Variants in PDE6B observed in about 807,000 individuals in gnomAD.
The protein encoded by PDE6B is rod cGMP-specific 3',5'-cyclic phosphodiesterase subunit beta.
PDE6B carries 106 observed loss-of-function variants against 109.0 expected under a neutral mutation model. That is an observed-to-expected ratio of 0.97 (90% CI 0.83 to 1.14). The LOEUF (loss-of-function observed/expected upper bound fraction) is 1.14, where lower values mean the gene tolerates loss of function less well. Ranked by LOEUF, PDE6B falls within the 50% of genes most tolerant of loss-of-function variation. The pLI is 0.00. For synonymous variants in PDE6B, 490 were observed against 471.3 expected (o/e 1.04, Z -0.51); for missense variants, 1,193 against 1,155.6 (o/e 1.03, Z -0.47).
At chr4:642,003 C>G (rs549159135) in intron 3 of PDE6B, among the ~76,000 whole-genome samples, 10 of 152,326 alleles carry the variant, frequency 6.6e-5, no homozygotes, top group South Asian at 2.1e-4. Flanking sequence ...CATCTGCAAA[C>G]AAAGATAGTT....
At chr4:643,339 C>G (rs946974513) in intron 3 of PDE6B, among the ~76,000 whole-genome samples, 6 of 151,856 alleles carry the variant, frequency 4.0e-5, no homozygotes, top group African/African-American at 1.5e-4. Flanking sequence ...ATTTTTGCAT[C>G]TATATTCATG....
intron 3 of PDE6B, among the ~76,000 whole-genome samples, chr4:646,747 C>G (rs1186560990): frequency 6.6e-6 from 1 of 152,066 alleles, no homozygotes; most frequent in African/African-American, 2.4e-5. Flanking sequence ...TTCCTGTACT[C>G]CAGCGCGCCT....
Position 633,741 on chromosome 4 carries a change from C to A in PDE6B, c.469-936C>A, listed in dbSNP as rs1044350972. Among the ~76,000 whole-genome samples the A allele has an allele frequency of 1.3e-5, 2 of 152,200 alleles. No homozygotes were observed. The highest frequency in any genetic ancestry group is 2.9e-5 in the Non-Finnish European group (2 of 68,022). On this transcript the variant is annotated intron_variant, in intron 1 of 21. Transcript: ENST00000496514. This position sits in a 1 kb window ranked among gnomAD's most constrained non-coding sequence, Gnocchi z 4.5. ...ACCCCAGCAGGGCTGACTCCGGAGC[C>A]GTCCACCTGGGTCACTGCCCCAGGG...
chr4:653,422 A>C, intron 3 of PDE6B: 1 of 860,526 alleles, frequency 1.2e-6, no homozygotes, highest in Admixed American at 4.0e-5. Flanking sequence ...TGCGTCAGCA[A>C]TGCTTCACTC....
In PDE6B at chr4:625,989, C is replaced by A. The variant is rs1010157675; in HGVS notation, c.363C>A (p.Asp121Glu). The A allele has an allele frequency of 1.9e-6, 3 of 1,582,928 alleles. No homozygotes were observed. The highest frequency in any genetic ancestry group is 1.3e-5 in the African/African-American group (1 of 74,258). ...TGCAGCCGGACAGCGTCCTGGAGGACTGCCTGGTGCCCCCCGACTCCGAGA... is the reference window on the plus strand; with the variant it reads ...TGCAGCCGGACAGCGTCCTGGAGGAATGCCTGGTGCCCCCCGACTCCGAGA... The part of the protein sequence containing the change: ...FSVQPDSVLE[D>E]CLVPPDSEIV... Residue 121 changes from aspartate to glutamate, a missense_variant, in exon 1 of 22, where the codon GAC (aspartate) becomes GAA (glutamate). Physicochemically the swap from Asp to Glu is conservative, Grantham distance 45 (BLOSUM62 2). Transcript: ENST00000496514. The surrounding 1 kb of genome is among the most constrained non-coding windows in gnomAD (Gnocchi z 5.0).
In PDE6B at chr4:654,806, G is replaced by GTGTCTTCTGATTCTCAGGAAAT; in HGVS notation, c.928-9_928-8insATTCTCAGGAAATTGTCTTCTG. 7.1e-7 allele frequency: 1 copy of GTGTCTTCTGATTCTCAGGAAAT among 1,412,084 alleles called. No homozygotes were observed. The highest frequency in any genetic ancestry group is 1.0e-6 in the Non-Finnish European group (1 of 995,212). 87.5% of individuals were successfully genotyped at this position (1,412,084 alleles called of 1,614,324 possible). A position where few individuals can be genotyped will look rare whatever the true frequency, so the allele number is the denominator to read the frequency against. On this transcript the variant is annotated splice_polypyrimidine_tract_variant and intron_variant, in intron 5 of 21. Transcript: ENST00000496514. ...GCTTGGCCAGGCAGCCCCCCGACCA[G>GTGTCTTCTGATTCTCAGGAAAT]TGTCTTCTGCTTCTCAGGAAATTGT...
rs549837498 is a variant in PDE6B at position 629,176 on chromosome 4, G to T, written c.468+3082G>T. ...CTTGGCAGGAAGGAAGCACAGGTCG[G>T]GTGCAGAGAGGGAGGAGCGAGTGGG... On this transcript the variant is annotated intron_variant, in intron 1 of 21. Coordinates refer to ENST00000496514, the MANE Select transcript of PDE6B (RefSeq NM_000283.4). Among the ~76,000 whole-genome samples, 5 of 152,346 alleles carry T rather than the reference G, an allele frequency of 3.3e-5. No homozygotes were observed. In the East Asian group the frequency reaches 7.7e-4, roughly 24 times the overall value.
intron 12 of PDE6B, 195 bp from the exon 13 acceptor site, chr4:661,939 T>G: frequency 1.6e-6 from 1 of 620,758 alleles, no homozygotes. Context: ...TAGGTGCCAA[T>G]GTGGCAGCCC....
intron 5 of PDE6B, 41 bp downstream of exon 5, chr4:654,195 T>C: frequency 1.3e-6 from 2 of 1,539,936 alleles, no homozygotes; most frequent in Non-Finnish European, 1.8e-6. Flanking sequence ...TCCACACGCC[T>C]CTGTTTCCCT....
intron 12 of PDE6B, chr4:661,661 C>T (rs1737117051): frequency 1.3e-5 from 2 of 153,448 alleles, no homozygotes; most frequent in Non-Finnish European, 1.4e-5. Context: ...CTAAAAATCA[C>T]AATGGCCGCA....
intron 3 of PDE6B, chr4:651,742 C>T (rs1185122119): frequency 1.3e-5 from 2 of 150,214 alleles, no homozygotes; most frequent in Admixed American, 6.6e-5. Context: ...TATGGGGAGC[C>T]GTCTCCATTC....
intron 12 of PDE6B, among the ~76,000 whole-genome samples, chr4:661,053 T>A (rs1383570746): frequency 6.9e-6 from 1 of 145,218 alleles, no homozygotes; most frequent in East Asian, 2.1e-4. Flanking sequence ...AGTGGGCCAA[T>A]GGTAGTTAGA....
intron 1 of PDE6B, among the ~76,000 whole-genome samples, chr4:628,434 ACCCTCCTGCCCGGGCCACCCGGAGTCTCG>A (rs1366356532): frequency 3.3e-5 from 5 of 151,628 alleles, no homozygotes; most frequent in Admixed American, 6.6e-5. Flanking sequence ...CCGGAGTCTC[ACCCTCCTGCCCGGGCCACCCGGAGTCTCG>A]CCCTCCTGAG....
At chr4:660,668 G>A in intron 12 of PDE6B, 55 bp downstream of exon 12, 1 of 1,527,064 alleles carries the variant, frequency 6.5e-7, no homozygotes, top group Non-Finnish European at 9.1e-7. Flanking sequence ...CAGGACATGG[G>A]GGTGGGGATG....
intron 3 of PDE6B, among the ~76,000 whole-genome samples, chr4:637,111 TTTTA>T (rs1227560786): frequency 3.3e-5 from 5 of 152,252 alleles, no homozygotes; most frequent in African/African-American, 7.2e-5. Context: ...TTCAATATGA[TTTTA>T]TTTATTTTCT....
chr4:642,480 AAAAC>A (rs1734992052), intron 3 of PDE6B, among the ~76,000 whole-genome samples: 1 of 151,800 alleles, frequency 6.6e-6, no homozygotes, highest in Admixed American at 6.6e-5. Flanking sequence ...CGTCTGAAAA[AAAAC>A]AAAACTAAAC....
At chr4:659,678 A>G (rs1224448556) in intron 11 of PDE6B, among the ~76,000 whole-genome samples, 4 of 149,574 alleles carry the variant, frequency 2.7e-5, no homozygotes, top group Non-Finnish European at 4.4e-5. Flanking sequence ...ATGTGTGTGC[A>G]TGTGTGTGCA....
intron 3 of PDE6B, among the ~76,000 whole-genome samples, chr4:643,102 G>C (rs1031534000): frequency 4.6e-5 from 7 of 152,092 alleles, no homozygotes; most frequent in African/African-American, 1.4e-4. Flanking sequence ...GAGGTCAAGA[G>C]ATTGACACCA....
In PDE6B at chr4:636,060, G is replaced by A. The variant is rs1734663946; in HGVS notation, c.711+91G>A. ...GCACAGAGGCGGGTGGTGGCAGGTG[G>A]TCTTGTGCTCACCTGGGTAGGTCCT... On this transcript the variant is annotated intron_variant, in intron 3 of 21. Transcript: ENST00000496514. The surrounding 1 kb of genome is among the most constrained non-coding windows in gnomAD (Gnocchi z 4.5). The A allele has an allele frequency of 1.3e-6, 1 of 796,890 alleles. No homozygotes were observed. The allele number at this position is 796,890 out of a possible 1,614,324, so 49.4% of individuals were successfully genotyped here.
Sources: allele counts gnomAD v4.1 joint callset (sites outside exome capture counted in the v4.1 genomes callset), GRCh38; gene constraint gnomAD v4.1.1; non-coding constraint Gnocchi (gnomAD v3.1); transcripts MANE v1.5; gene names NCBI Gene and HGNC (gene_info 2026-07-23, HGNC 2026-07-21).